The following CTNNA1 variants were observed in gnomAD, a reference collection of about 807,000 sequenced individuals.
The protein encoded by CTNNA1 is catenin alpha 1.
CTNNA1 carries 37 observed loss-of-function variants against 98.4 expected under a neutral mutation model. The ratio of observed to expected loss-of-function variants is 0.38; its 90% confidence interval spans 0.29 to 0.49. The LOEUF (loss-of-function observed/expected upper bound fraction) is 0.49, where lower values mean the gene tolerates loss of function less well. Ranked by LOEUF, CTNNA1 falls within the 20% of genes least tolerant of loss-of-function variation. The probability of loss-of-function intolerance (pLI) is 0.95; values close to 1 mark genes in which losing one functional copy is unlikely to be tolerated. For synonymous variants in CTNNA1, 404 were observed against 413.2 expected (o/e 0.98, Z 0.27); for missense variants, 761 against 1,147.2 (o/e 0.66, Z 4.86).
intron 3 of CTNNA1, among the ~76,000 whole-genome samples, chr5:138,805,664 T>C (rs1229928906): frequency 6.6e-6 from 1 of 151,992 alleles, no homozygotes; most frequent in Non-Finnish European, 1.5e-5. Flanking sequence ...TTGCCCAGGC[T>C]AGATGCTAAC....
chr5:138,781,387 C>G (rs1561519595), intron 1 of CTNNA1, among the ~76,000 whole-genome samples: 1 of 152,070 alleles, frequency 6.6e-6, no homozygotes. Context: ...AACCCCGTCT[C>G]TACTAAAAAT....
intron 3 of CTNNA1, among the ~76,000 whole-genome samples, chr5:138,784,265 G>C (rs1221578135): frequency 6.6e-6 from 1 of 152,168 alleles, no homozygotes; most frequent in Admixed American, 6.5e-5. Flanking sequence ...CAATGATGTA[G>C]GTTTTTTAGG....
At chr5:138,919,934 T>G (rs1762557198) in intron 11 of CTNNA1, among the ~76,000 whole-genome samples, 1 of 152,076 alleles carries the variant, frequency 6.6e-6, no homozygotes, top group Admixed American at 6.6e-5. Flanking sequence ...TTTATGTTCT[T>G]ACGTACATCC....
intron 10 of CTNNA1, among the ~76,000 whole-genome samples, chr5:138,908,525 C>T (rs532752037): frequency 3.9e-5 from 6 of 152,044 alleles, no homozygotes; most frequent in Non-Finnish European, 7.4e-5. Context: ...ATTGGCTGGG[C>T]ATGATGGCGT....
intron 7 of CTNNA1, among the ~76,000 whole-genome samples, chr5:138,862,472 T>C (rs143503945): frequency 1.3e-5 from 2 of 152,360 alleles, no homozygotes; most frequent in East Asian, 3.9e-4. Flanking sequence ...GAAAAAATAG[T>C]ATCCTTTTAT....
intron 1 of CTNNA1, among the ~76,000 whole-genome samples, chr5:138,770,087 G>T (rs947862230): frequency 3.3e-5 from 5 of 152,076 alleles, no homozygotes; most frequent in African/African-American, 1.2e-4. Flanking sequence ...CGCCTGCCTT[G>T]GCTTCCCAAA....
chr5:138,820,496 C>G (rs549485688), intron 5 of CTNNA1, among the ~76,000 whole-genome samples: 60 of 152,190 alleles, frequency 3.9e-4, no homozygotes, highest in African/African-American at 1.3e-3. Flanking sequence ...CTGTATGTGT[C>G]CAAGGTGTTG....
In CTNNA1 at chr5:138,753,429, T is replaced by C. The variant is rs914109438; in HGVS notation, c.-84T>C. ...GGGCGTGGGGCGGCCCATTTCCTCCTCCTAGCCGGACTGGAGGGAGACAAA... is the reference window on the plus strand; with the variant it reads ...GGGCGTGGGGCGGCCCATTTCCTCCCCCTAGCCGGACTGGAGGGAGACAAA... On this transcript the variant is annotated 5_prime_UTR_variant, in exon 1 of 18. Coordinates refer to ENST00000302763, the MANE Select transcript of CTNNA1 (RefSeq NM_001903.5). 406 of 370,582 alleles carry C rather than the reference T, an allele frequency of 1.1e-3. 1 individual carries two copies. Among genetic ancestry groups the C allele is most frequent in the African/African-American group, 8.3e-3 (386 of 46,628 alleles). The allele number at this position is 370,582 out of a possible 1,614,324, so 23.0% of individuals were successfully genotyped here.
intron 7 of CTNNA1, chr5:138,875,173 A>C: frequency 5.3e-6 from 2 of 377,232 alleles, no homozygotes; most frequent in Non-Finnish European, 9.4e-6. Flanking sequence ...TCCACCTCTA[A>C]CTGCTCAGCT....
In CTNNA1 at chr5:138,932,571, T is replaced by C. The variant is rs1399934894; in HGVS notation, c.2299-7T>C. ...GATACTTGGTGTTAAGCCTGCTCTCTCTTCAGTGCCCCGACTCGGCTTGCA... is the reference window on the plus strand; with the variant it reads ...GATACTTGGTGTTAAGCCTGCTCTCCCTTCAGTGCCCCGACTCGGCTTGCA... On this transcript the variant is annotated splice_polypyrimidine_tract_variant and splice_region_variant and intron_variant, in intron 16 of 17. Coordinates refer to ENST00000302763, the MANE Select transcript of CTNNA1 (RefSeq NM_001903.5). 1.2e-6 allele frequency: 2 copies of C among 1,614,070 alleles called. No homozygotes were observed. The highest frequency in any genetic ancestry group is 1.7e-6 in the Non-Finnish European group (2 of 1,179,972).
chr5:138,791,647 CTTG>C (rs1756384921), intron 3 of CTNNA1, among the ~76,000 whole-genome samples: 1 of 98,130 alleles, frequency 1.0e-5, no homozygotes, highest in South Asian at 3.5e-4. Flanking sequence ...AAAAAAGGGT[CTTG>C]TTAGTTTTAG....
At chr5:138,802,730 G>T (rs893529497) in intron 3 of CTNNA1, among the ~76,000 whole-genome samples, 3 of 152,248 alleles carry the variant, frequency 2.0e-5, no homozygotes, top group Admixed American at 2.0e-4. Flanking sequence ...ATTAAGTGGT[G>T]AAGCTGTGGT....
In CTNNA1 at chr5:138,934,172, C is replaced by G; in HGVS notation, c.*83C>G. On this transcript the variant is annotated 3_prime_UTR_variant, in exon 18 of 18. Transcript: ENST00000302763. The stretch of plus-strand genomic sequence containing the variant: ...GTCACTCAAATGAATTTGCTAAATA[C>G]AACACTGATACTAGATTCCACAGGG... The G allele has an allele frequency of 9.8e-7, 1 of 1,016,760 alleles. No individual in the cohort carries two copies. Among genetic ancestry groups the G allele is most frequent in the African/African-American group, 1.6e-5 (1 of 63,010 alleles). The allele number at this position is 1,016,760 out of a possible 1,614,324, so 63.0% of individuals were successfully genotyped here. A position where few individuals can be genotyped will look rare whatever the true frequency, so the allele number is the denominator to read the frequency against.
chr5:138,774,027 G>A (rs377023144), intron 1 of CTNNA1, among the ~76,000 whole-genome samples: 225 of 152,238 alleles, frequency 1.5e-3, no homozygotes, highest in South Asian at 3.3e-3. Context: ...AGGATCACAG[G>A]CATGTGCCAC....
At chr5:138,916,563 C>T (rs1349974366) in intron 10 of CTNNA1, among the ~76,000 whole-genome samples, 1 of 151,314 alleles carries the variant, frequency 6.6e-6, no homozygotes, top group African/African-American at 2.4e-5. Flanking sequence ...CACTGTGTTG[C>T]CCAAGCTGGA....
At chr5:138,825,132 A>G (rs1380370685) in intron 6 of CTNNA1, among the ~76,000 whole-genome samples, 3 of 152,308 alleles carry the variant, frequency 2.0e-5, no homozygotes, top group Non-Finnish European at 4.4e-5. Context: ...TGGTAGATAC[A>G]GAAACTAAGT....
At chr5:138,904,048 T>C (rs1758643971) in intron 9 of CTNNA1, among the ~76,000 whole-genome samples, 1 of 152,248 alleles carries the variant, frequency 6.6e-6, no homozygotes, top group Admixed American at 6.5e-5. Context: ...AGAACCTTTT[T>C]CTGAAGTTAC....
At chr5:138,893,853 AC>A (rs1756075296) in intron 9 of CTNNA1, among the ~76,000 whole-genome samples, 1 of 151,572 alleles carries the variant, frequency 6.6e-6, no homozygotes, top group Non-Finnish European at 1.5e-5. Flanking sequence ...CGAACTCCTG[AC>A]CTTGTGATCT....
chr5:138,818,119 T>C (rs1370222886), intron 5 of CTNNA1, among the ~76,000 whole-genome samples: 1 of 150,496 alleles, frequency 6.6e-6, no homozygotes, highest in African/African-American at 2.4e-5. Context: ...GATTTCCCCC[T>C]TTTTTTTCCT....
Sources: gnomAD v4.1 joint callset for allele counts (sites outside exome capture counted in the v4.1 genomes callset) on GRCh38, gnomAD v4.1.1 for gene constraint, MANE v1.5 for transcripts, NCBI Gene and HGNC (gene_info 2026-07-23, HGNC 2026-07-21) for gene names.